WASHC4: variants seen among roughly 807,000 people sequenced by gnomAD.
WASHC4 encodes WASH complex subunit 4.
A neutral mutation model predicts 166.6 loss-of-function variants in WASHC4; 86 were observed. That is an observed-to-expected ratio of 0.52 (90% CI 0.43 to 0.62). The LOEUF is 0.62. Among genes scored for constraint, WASHC4 ranks in the 20% least tolerant of loss-of-function variants. WASHC4 has a pLI of 0.00. For synonymous variants in WASHC4, 446 were observed against 451.6 expected, an observed-to-expected ratio of 0.99 and a Z score of 0.16; for missense variants, 1,262 against 1,382.4, an observed-to-expected ratio of 0.91 and a Z score of 1.38.
chr12:105,165,884 A>G (rs1884781365), intron 32 of WASHC4, among the ~76,000 whole-genome samples: 1 of 152,204 alleles, frequency 6.6e-6, no homozygotes. Context: ...TACATACTAC[A>G]TTTGTGTTCA....
chr12:105,125,876 T>G, intron 10 of WASHC4, 128 bp from the exon 11 acceptor site: 1 of 865,238 alleles, frequency 1.2e-6, no homozygotes, highest in Non-Finnish European at 1.8e-6. Flanking sequence ...AACCTGAGCT[T>G]TAGTTTTAGT....
intron 10 of WASHC4, among the ~76,000 whole-genome samples, chr12:105,125,555 G>A (rs1881204493): frequency 6.6e-6 from 1 of 152,056 alleles, no homozygotes; most frequent in African/African-American, 2.4e-5. Context: ...CAATTTAAAT[G>A]TTAGTTCATT....
At chr12:105,138,301 T>C (rs1882495405) in intron 15 of WASHC4, among the ~76,000 whole-genome samples, 1 of 151,824 alleles carries the variant, frequency 6.6e-6, no homozygotes, top group African/African-American at 2.4e-5. Flanking sequence ...ATGGAAAAGT[T>C]AACTTTAATA....
chr12:105,109,669 T>TTTTTTC (rs1416228518), intron 1 of WASHC4, among the ~76,000 whole-genome samples: 12 of 149,758 alleles, frequency 8.0e-5, no homozygotes, highest in South Asian at 6.3e-4. Flanking sequence ...TTTTTTTTTT[T>TTTTTTC]TCGAGACAAG....
At chr12:105,115,163 T>A (rs1880061001) in intron 4 of WASHC4, 21 bp from the exon 5 acceptor site, 1 of 1,316,760 alleles carries the variant, frequency 7.6e-7, no homozygotes, top group African/African-American at 1.5e-5. Context: ...AAAATTATTT[T>A]AATTTTTTTC....
intron 13 of WASHC4, 122 bp downstream of exon 13, chr12:105,127,411 G>A (rs1169642475): frequency 1.3e-6 from 1 of 786,224 alleles, no homozygotes; most frequent in Admixed American, 2.4e-5. Flanking sequence ...ATAAGTAAGG[G>A]TCAGGCAATC....
chr12:105,123,079 C>T (rs1306643516), intron 10 of WASHC4, among the ~76,000 whole-genome samples: 1 of 152,164 alleles, frequency 6.6e-6, no homozygotes, highest in Non-Finnish European at 1.5e-5. Context: ...CTTTGGGAGG[C>T]CAGGCACGCA....
chr12:105,163,007 A>C (rs1432643193), intron 30 of WASHC4, among the ~76,000 whole-genome samples, 162 bp downstream of exon 30: 1 of 151,958 alleles, frequency 6.6e-6, no homozygotes, highest in Non-Finnish European at 1.5e-5. Flanking sequence ...TCTGTTGCCC[A>C]GGCTGGAGTG....
chr12:105,141,759 G>A (rs940287171), intron 18 of WASHC4, among the ~76,000 whole-genome samples: 2 of 152,056 alleles, frequency 1.3e-5, no homozygotes, highest in Non-Finnish European at 2.9e-5. Flanking sequence ...TTGAATTTTG[G>A]TTTCCAGCTG....
chr12:105,111,402 T>G, intron 2 of WASHC4, 138 bp downstream of exon 2: 1 of 631,680 alleles, frequency 1.6e-6, no homozygotes, highest in Non-Finnish European at 2.6e-6. Context: ...AATTGTTAAT[T>G]TCCTTTTCTC....
At chr12:105,154,275 C>T (rs11112393) in intron 26 of WASHC4, among the ~76,000 whole-genome samples, 29,856 of 152,054 alleles carry the variant, frequency 0.2, 4,332 homozygotes, top group African/African-American at 0.41. Context: ...GTGATCCATC[C>T]GCCTCTGTGT....
intron 18 of WASHC4, 144 bp from the exon 19 acceptor site, chr12:105,142,309 T>G: frequency 3.1e-6 from 2 of 642,436 alleles, no homozygotes. Context: ...TTTTGTGACT[T>G]TTCTATACTA....
intron 20 of WASHC4, among the ~76,000 whole-genome samples, 169 bp downstream of exon 20, chr12:105,143,412 T>C (rs938483311): frequency 2.6e-5 from 4 of 152,064 alleles, no homozygotes; most frequent in African/African-American, 9.7e-5. Context: ...AATTGGTCTG[T>C]AATTCATTTA....
At chr12:105,165,928 G>A (rs1292075064) in intron 32 of WASHC4, among the ~76,000 whole-genome samples, 1 of 152,166 alleles carries the variant, frequency 6.6e-6, no homozygotes, top group Non-Finnish European at 1.5e-5. Flanking sequence ...CCATTTGGAA[G>A]AATTTGAATC....
intron 22 of WASHC4, among the ~76,000 whole-genome samples, chr12:105,145,439 A>G (rs1206508318): frequency 6.6e-6 from 1 of 152,002 alleles, no homozygotes; most frequent in Non-Finnish European, 1.5e-5. Flanking sequence ...AATATTTACC[A>G]AAAAACATTT....
chr12:105,137,844 A>G, intron 14 of WASHC4, 42 bp from the exon 15 acceptor site: 1 of 1,547,994 alleles, frequency 6.5e-7, no homozygotes, highest in Non-Finnish European at 8.9e-7. Flanking sequence ...AATCTTGAAG[A>G]AAATCTTTCC....
At chr12:105,116,668 ATAG>A (rs1880212648) in intron 6 of WASHC4, among the ~76,000 whole-genome samples, 2 of 152,204 alleles carry the variant, frequency 1.3e-5, no homozygotes, top group East Asian at 3.8e-4. Flanking sequence ...GCACTTGACT[ATAG>A]TAACCTTTTT....
intron 20 of WASHC4, among the ~76,000 whole-genome samples, chr12:105,143,756 G>T (rs1883059146): frequency 6.6e-6 from 1 of 151,868 alleles, no homozygotes; most frequent in South Asian, 2.1e-4. Flanking sequence ...TTTTTATTTG[G>T]AGGGAGGAAT....
intron 14 of WASHC4, 81 bp downstream of exon 14, chr12:105,133,977 G>A: frequency 7.6e-7 from 1 of 1,317,108 alleles, no homozygotes; most frequent in Non-Finnish European, 1.1e-6. Context: ...CTGAACAAAG[G>A]GTAGAGTATG....
Sources: gnomAD v4.1 joint callset for allele counts (sites outside exome capture counted in the v4.1 genomes callset) on GRCh38, gnomAD v4.1.1 for gene constraint, MANE v1.5 for transcripts, NCBI Gene and HGNC (gene_info 2026-07-23, HGNC 2026-07-21) for gene names.